Variants in PLPPR4 observed in about 807,000 individuals in gnomAD.
The protein encoded by PLPPR4 is phospholipid phosphatase related 4, also known as phospholipid phosphatase-related protein type 4.
A neutral mutation model predicts 56.6 loss-of-function variants in PLPPR4; 24 were observed. The ratio of observed to expected loss-of-function variants is 0.42; its 90% CI spans 0.31 to 0.60. The LOEUF (loss-of-function observed/expected upper bound fraction) is 0.60, where lower values mean the gene tolerates loss of function less well. Among genes scored for constraint, PLPPR4 ranks in the 20% least tolerant of loss-of-function variants. The pLI, the probability that PLPPR4 is intolerant of heterozygous loss-of-function variation, is 0.13. For missense variants in PLPPR4, 654 were observed against 885.8 expected, an observed-to-expected ratio of 0.74 and a Z score of 3.32; for synonymous variants, 326 against 328.1, an observed-to-expected ratio of 0.99 and a Z score of 0.07.
intron 1 of PLPPR4, among the ~76,000 whole-genome samples, chr1:99,265,644 T>C (rs138042399): frequency 2.0e-4 from 31 of 152,360 alleles, no homozygotes; most frequent in Non-Finnish European, 3.2e-4. Context: ...CTGGGTTGCA[T>C]AGAGAATTAT....
intron 1 of PLPPR4, among the ~76,000 whole-genome samples, chr1:99,266,993 A>G (rs958511219): frequency 5.3e-5 from 8 of 152,266 alleles, no homozygotes; most frequent in Non-Finnish European, 1.2e-4. Flanking sequence ...TTTACAGCAT[A>G]GTTTCCCAAG....
rs79932764 is a variant in PLPPR4, at chr1:99,277,759, G to C, written c.79-10206G>C. Among the ~76,000 whole-genome samples, 61 of 151,848 alleles carry C rather than the reference G, an allele frequency of 4.0e-4. No homozygotes were observed. The East Asian group carries it at 0.01, about 26-fold the overall frequency. On this transcript the variant is annotated intron_variant, in intron 1 of 6. Coordinates refer to ENST00000370185, the MANE Select transcript of PLPPR4 (RefSeq NM_014839.5). The stretch of plus-strand genomic sequence containing the variant: ...TTATCCTTCTCGGTGCTTCAAACTA[G>C]ATCTTTTTCAGATATGTTATGAGTG...
Position 99,300,957 on chromosome 1 carries a change from G to C in PLPPR4, c.639G>C (p.Val213=). 6.2e-7 allele frequency: 1 copy of C among 1,612,006 alleles called. No individual in the cohort carries two copies. Among genetic ancestry groups the C allele is most frequent in the Non-Finnish European group, 8.5e-7 (1 of 1,178,392 alleles). Residue 213 remains valine (V), a synonymous_variant, in exon 5 of 7, where the codon GTG becomes GTC. Transcript: ENST00000370185. The part of the protein sequence containing the change: ...QHATLAAFAA[V]YVSMYFNSTL... The stretch of plus-strand genomic sequence containing the variant: ...CAACCCTTGCTGCCTTTGCAGCTGT[G>C]TATGTTTCGGTAAGTAACTGGTTCT...
intron 1 of PLPPR4, among the ~76,000 whole-genome samples, chr1:99,277,517 ATGT>A (rs1181835079): frequency 6.6e-6 from 1 of 152,160 alleles, no homozygotes; most frequent in Non-Finnish European, 1.5e-5. Context: ...GGATGGTCTG[ATGT>A]TGTGGGCTTT....
At chr1:99,266,927 T>A (rs1658915090) in intron 1 of PLPPR4, among the ~76,000 whole-genome samples, 1 of 152,220 alleles carries the variant, frequency 6.6e-6, no homozygotes. Context: ...GTAGGATGAA[T>A]AAACATAGCT....
At chr1:99,276,699 GT>G (rs1390932434) in intron 1 of PLPPR4, among the ~76,000 whole-genome samples, 1 of 152,080 alleles carries the variant, frequency 6.6e-6, no homozygotes, top group Non-Finnish European at 1.5e-5. Context: ...AGATAGTTTA[GT>G]AAGCAATGAT....
rs1484520688 is a variant in PLPPR4 at position 99,300,905 on chromosome 1, G to A, written c.591-4G>A. 1 of 1,611,036 alleles carries A rather than the reference G, an allele frequency of 6.2e-7. No homozygotes were observed. The highest frequency in any genetic ancestry group is 1.3e-5 in the African/African-American group (1 of 74,788). On this transcript the variant is annotated splice_polypyrimidine_tract_variant and splice_region_variant and intron_variant, in intron 4 of 6. Transcript: ENST00000370185. ...GGCATAATTTGACTATCTTCTTTTG[G>A]CAGAAAGTCCTTCCCTTCTCAACAT...
At chr1:99,287,821 G>A (rs372547528) in intron 1 of PLPPR4, 144 bp from the exon 2 acceptor site, 2 of 636,186 alleles carry the variant, frequency 3.1e-6, no homozygotes, top group South Asian at 4.2e-5. Context: ...CCATGTTGAA[G>A]GTAGAAGTAA....
intron 1 of PLPPR4, among the ~76,000 whole-genome samples, chr1:99,286,537 CA>C (rs1261290349): frequency 6.6e-6 from 1 of 151,864 alleles, no homozygotes; most frequent in Non-Finnish European, 1.5e-5. Flanking sequence ...TGAAAAAAAT[CA>C]AGCAAGATGA....
chr1:99,305,610 T>C, intron 6 of PLPPR4, 75 bp from the exon 7 acceptor site: 1 of 1,444,338 alleles, frequency 6.9e-7, no homozygotes, highest in Non-Finnish European at 9.4e-7. Flanking sequence ...TGTATGTACT[T>C]CAGTGGGTAC....
intron 2 of PLPPR4, among the ~76,000 whole-genome samples, chr1:99,290,776 A>G (rs1279578274): frequency 1.3e-5 from 2 of 152,130 alleles, no homozygotes; most frequent in Admixed American, 6.6e-5. Context: ...TCCTTACACC[A>G]TATACAAAAA....
At position 99,264,574 on chromosome 1, in the gene PLPPR4, G is replaced by T; in HGVS notation, c.-20G>T. 6.4e-7 allele frequency: 1 copy of T among 1,550,944 alleles called. No individual in the cohort carries two copies. Among genetic ancestry groups the T allele is most frequent in the Non-Finnish European group, 8.7e-7 (1 of 1,147,046 alleles). On this transcript the variant is annotated 5_prime_UTR_variant, in exon 1 of 7. Coordinates refer to ENST00000370185, the MANE Select transcript of PLPPR4 (RefSeq NM_014839.5). ...CACACCTCGCCCGGGGGAGGACGCA[G>T]ACCCGGGCAGGCGGCAGGGATGTCG...
rs769270277 is a variant in PLPPR4, at chr1:99,305,988, T to C, written c.1126T>C (p.Ser376Pro). 3 of 1,614,004 alleles carry C rather than the reference T, an allele frequency of 1.9e-6. No individual in the cohort carries two copies. Among genetic ancestry groups the C allele is most frequent in the African/African-American group, 2.7e-5 (2 of 74,908 alleles). The change falls in exon 7 of 7, where the codon TCT (serine) becomes CCT (proline). Residue 376 changes from serine (S) to proline (P), a missense_variant. Ser to Pro is a moderately conservative substitution (Grantham distance 74). Coordinates refer to ENST00000370185, the MANE Select transcript of PLPPR4 (RefSeq NM_014839.5). The stretch of plus-strand genomic sequence containing the variant: ...TACCTTGCCGCGAGCCAATACCCCA[T>C]CTGTAGAAGACCCTGTCAGAAGAAA... ...SNTLPRANTP[S>P]VEDPVRRNAS...
intron 1 of PLPPR4, among the ~76,000 whole-genome samples, chr1:99,282,241 G>C (rs1659347814): frequency 6.6e-6 from 1 of 152,058 alleles, no homozygotes; most frequent in Non-Finnish European, 1.5e-5. Flanking sequence ...AACCTTTATT[G>C]TTTTATCTTC....
At position 99,300,930 on chromosome 1, in the gene PLPPR4, T is replaced by C. The variant is rs778824807; in HGVS notation, c.612T>C (p.His204=). 26 of 1,612,432 alleles carry C rather than the reference T, an allele frequency of 1.6e-5. No homozygotes were observed. The highest frequency in any genetic ancestry group is 2.2e-5 in the South Asian group (2 of 91,014). Reference sequence around the variant, plus strand: ...GCAGAAAGTCCTTCCCTTCTCAACATGCAACCCTTGCTGCCTTTGCAGCTG... The same window carrying C: ...GCAGAAAGTCCTTCCCTTCTCAACACGCAACCCTTGCTGCCTTTGCAGCTG... The part of the protein sequence containing the change: ...NSGRKSFPSQ[H]ATLAAFAAVY... The change falls in exon 5 of 7, where the codon CAT becomes CAC. Residue 204 remains histidine, a synonymous_variant. Transcript: ENST00000370185.
At chr1:99,264,739 G>A in intron 1 of PLPPR4, 68 bp downstream of exon 1, 1 of 1,509,718 alleles carries the variant, frequency 6.6e-7, no homozygotes, top group African/African-American at 1.4e-5. Flanking sequence ...TTCAGGTCCT[G>A]GACAGTGTTG....
Position 99,308,051 on chromosome 1 carries a change from T to C in PLPPR4, c.*1041T>C, listed in dbSNP as rs1660086248. The C allele has an allele frequency of 6.6e-6, 1 of 152,240 alleles. No homozygotes were observed. The highest frequency in any genetic ancestry group is 1.5e-5 in the Non-Finnish European group (1 of 68,030). The allele number at this position is 152,240 out of a possible 1,614,324, so 9.4% of individuals were successfully genotyped here. A position where few individuals can be genotyped will look rare whatever the true frequency, so the allele number is the denominator to read the frequency against. ...TTGTGGGTTACATTGCCAGAAATGT[T>C]GGTCAAGTTTGCCCTTAGATGTCTA... On this transcript the variant is annotated 3_prime_UTR_variant, in exon 7 of 7. Coordinates refer to ENST00000370185, the MANE Select transcript of PLPPR4 (RefSeq NM_014839.5).
chr1:99,275,081 C>A (rs1411486758), intron 1 of PLPPR4, among the ~76,000 whole-genome samples: 3 of 151,908 alleles, frequency 2.0e-5, no homozygotes, highest in Non-Finnish European at 4.4e-5. Flanking sequence ...GGGTGATGAT[C>A]TGAAAATGCC....
chr1:99,288,496 A>C (rs1659530177), intron 2 of PLPPR4, among the ~76,000 whole-genome samples: 1 of 152,100 alleles, frequency 6.6e-6, no homozygotes, highest in African/African-American at 2.4e-5. Flanking sequence ...TTAGTATCTG[A>C]AGCCTGAAAA....
Sources: allele counts gnomAD v4.1 joint callset (sites outside exome capture counted in the v4.1 genomes callset), GRCh38; gene constraint gnomAD v4.1.1; transcripts MANE v1.5; gene names NCBI Gene and HGNC (gene_info 2026-07-23, HGNC 2026-07-21).